The following EYS variants were observed in gnomAD, a reference collection of about 807,000 sequenced individuals.
EYS encodes the protein EGF-like photoreceptor maintenance factor, also known as protein eyes shut homolog.
Under a neutral mutation model 282.1 loss-of-function variants are expected in EYS, and 250 were observed. That is an observed-to-expected ratio of 0.89 (90% confidence interval 0.80 to 0.98). The LOEUF is 0.98. Among genes scored for constraint, EYS ranks in the 50% least tolerant of loss-of-function variants. The pLI, the probability that EYS is intolerant of heterozygous loss-of-function variation, is 0.00. For missense variants in EYS, 4,016 were observed against 3,709.0 expected (o/e 1.08, Z -2.15); for synonymous variants, 1,355 against 1,282.9 (o/e 1.06, Z -1.20).
At chr6:64,891,334 G>C (rs190209650) in intron 18 of EYS, among the ~76,000 whole-genome samples, 1 of 152,092 alleles carries the variant, frequency 6.6e-6, no homozygotes, top group South Asian at 2.1e-4. Flanking sequence ...CCTTGTCTCT[G>C]CTTTCCCAGA....
chr6:64,384,650 T>C (rs916128467), intron 29 of EYS, among the ~76,000 whole-genome samples: 10 of 152,032 alleles, frequency 6.6e-5, no homozygotes, highest in African/African-American at 2.4e-4. Context: ...AAAGCAAGAG[T>C]CCATGCACTG....
chr6:63,772,270 C>G (rs545986298), intron 40 of EYS, among the ~76,000 whole-genome samples: 1 of 152,126 alleles, frequency 6.6e-6, no homozygotes, highest in South Asian at 2.1e-4. Flanking sequence ...AAGTGATTCT[C>G]CCTCCTCAGC....
At chr6:65,696,612 C>T (rs1197529338) in intron 1 of EYS, among the ~76,000 whole-genome samples, 2 of 151,848 alleles carry the variant, frequency 1.3e-5, no homozygotes, top group African/African-American at 4.8e-5. Flanking sequence ...GATATGGAAA[C>T]CTCTTCAAAT....
chr6:64,076,767 G>T (rs1771785971), intron 32 of EYS, among the ~76,000 whole-genome samples: 1 of 151,864 alleles, frequency 6.6e-6, no homozygotes, highest in South Asian at 2.1e-4. Flanking sequence ...TATTAGTAGT[G>T]TAAAAACAGG....
chr6:64,751,030 T>G (rs141788125), intron 22 of EYS, among the ~76,000 whole-genome samples: 1 of 152,254 alleles, frequency 6.6e-6, no homozygotes, highest in East Asian at 1.9e-4. Flanking sequence ...CCTCCTTTGC[T>G]GTGTAGAGAA....
intron 2 of EYS, among the ~76,000 whole-genome samples, chr6:65,630,980 A>G (rs1243859615): frequency 6.6e-6 from 1 of 152,224 alleles, no homozygotes; most frequent in Non-Finnish European, 1.5e-5. Flanking sequence ...AATGCATTTT[A>G]AAAAGTAATA....
chr6:63,838,596 A>G (rs530889776), intron 36 of EYS, among the ~76,000 whole-genome samples: 2 of 152,274 alleles, frequency 1.3e-5, no homozygotes, highest in South Asian at 4.1e-4. Context: ...GTCTTTTAGT[A>G]GGCAGTGTTC....
chr6:64,211,901 C>T (rs190299743), intron 31 of EYS, among the ~76,000 whole-genome samples: 4 of 151,644 alleles, frequency 2.6e-5, no homozygotes, highest in Admixed American at 6.6e-5. Flanking sequence ...AGGTCACTTG[C>T]GATCAGGAGT....
At chr6:65,414,753 C>A (rs1412639154) in intron 5 of EYS, among the ~76,000 whole-genome samples, 1 of 151,914 alleles carries the variant, frequency 6.6e-6, no homozygotes, top group Non-Finnish European at 1.5e-5. Context: ...TCTGCAGTTT[C>A]CGGGGTGAGG....
chr6:64,327,062 A>G (rs1412667281), intron 29 of EYS, among the ~76,000 whole-genome samples: 1 of 152,086 alleles, frequency 6.6e-6, no homozygotes, highest in Non-Finnish European at 1.5e-5. Flanking sequence ...GAGGTGTGTG[A>G]AAGTGTGTGG....
intron 29 of EYS, among the ~76,000 whole-genome samples, chr6:64,383,591 C>G (rs557280006): frequency 6.6e-6 from 1 of 152,296 alleles, no homozygotes; most frequent in Non-Finnish European, 1.5e-5. Flanking sequence ...ACCTTGATGT[C>G]TCTATTACTT....
chr6:64,418,967 T>C (rs1774142841), intron 28 of EYS, among the ~76,000 whole-genome samples: 1 of 152,138 alleles, frequency 6.6e-6, no homozygotes, highest in South Asian at 2.1e-4. Context: ...TCCAGAAATG[T>C]CTGGAGTACT....
At chr6:64,853,141 C>A (rs1410368024) in intron 19 of EYS, among the ~76,000 whole-genome samples, 2 of 151,990 alleles carry the variant, frequency 1.3e-5, no homozygotes, top group Non-Finnish European at 2.9e-5. Context: ...AAGATCCTTT[C>A]ATATAAATAA....
chr6:65,650,937 AT>A (rs1767630039), intron 1 of EYS, among the ~76,000 whole-genome samples: 1 of 152,164 alleles, frequency 6.6e-6, no homozygotes, highest in Non-Finnish European at 1.5e-5. Flanking sequence ...AACAGGGATT[AT>A]TTTATCACAT....
chr6:64,585,083 C>G (rs1423062311), intron 26 of EYS, among the ~76,000 whole-genome samples: 2 of 152,006 alleles, frequency 1.3e-5, no homozygotes, highest in Non-Finnish European at 2.9e-5. Flanking sequence ...AGGTGTCAGT[C>G]AATGATGGAC....
intron 22 of EYS, chr6:64,631,368 T>C (rs1767775459): frequency 6.6e-6 from 1 of 152,156 alleles, no homozygotes; most frequent in South Asian, 2.1e-4. Flanking sequence ...TCATTTTGTA[T>C]GGTTTGCAGC....
At chr6:64,083,154 C>A (rs759810146) in intron 31 of EYS, among the ~76,000 whole-genome samples, 1 of 152,056 alleles carries the variant, frequency 6.6e-6, no homozygotes, top group Non-Finnish European at 1.5e-5. Flanking sequence ...AGCAATCTGC[C>A]CACCTTGGCC....
At chr6:64,704,993 TA>T (rs969398795) in intron 22 of EYS, among the ~76,000 whole-genome samples, 10 of 150,880 alleles carry the variant, frequency 6.6e-5, no homozygotes, top group Middle Eastern at 6.9e-3. Flanking sequence ...TCAGAAAAGA[TA>T]AAAAAAAATA....
rs770430320 is a variant in EYS, at chr6:65,494,942, A to T, written c.469T>A (p.Ser157Thr). 2 of 1,614,154 alleles carry T rather than the reference A, an allele frequency of 1.2e-6. No homozygotes were observed. Among genetic ancestry groups the T allele is most frequent in the Admixed American group, 3.3e-5 (2 of 60,024 alleles). ...AGTCGAAGTCCCAGTGGACAAGGTG[A>T]TGGACCACTTGCCATAACTGTGATA... ...YFITVMASGP[S>T]PCPLGLRLNV... Residue 157 changes from serine to threonine, a missense_variant, in exon 4 of 43, where the codon TCA becomes ACA. Coordinates refer to ENST00000503581, the MANE Select transcript of EYS (RefSeq NM_001142800.2).
Sources: allele counts gnomAD v4.1 joint callset (sites outside exome capture counted in the v4.1 genomes callset), GRCh38; gene constraint gnomAD v4.1.1; transcripts MANE v1.5; gene names NCBI Gene and HGNC (gene_info 2026-07-23, HGNC 2026-07-21).